Variants in NOBOX observed in about 807,000 individuals in gnomAD.
NOBOX encodes homeobox protein NOBOX.
Under a neutral mutation model 60.2 loss-of-function variants are expected in NOBOX, and 46 were observed. The ratio of observed to expected loss-of-function variants is 0.76; its 90% CI spans 0.60 to 0.98. The LOEUF (loss-of-function observed/expected upper bound fraction) is 0.98, where lower values mean the gene tolerates loss of function less well. Ranked by LOEUF, NOBOX falls within the 50% of genes least tolerant of loss-of-function variation. The probability of loss-of-function intolerance (pLI) is 0.00; values close to 1 mark genes in which losing one functional copy is unlikely to be tolerated. For missense variants in NOBOX, 880 were observed against 865.5 expected, an observed-to-expected ratio of 1.02 and a Z score of -0.21; for synonymous variants, 360 against 346.3, an observed-to-expected ratio of 1.04 and a Z score of -0.44.
chr7:144,401,470 C>G lies in NOBOX; in HGVS notation c.420G>C (p.Glu140Asp). 6.3e-7 allele frequency: 1 copy of G among 1,579,170 alleles called. No homozygotes were observed. The highest frequency in any genetic ancestry group is 8.6e-7 in the Non-Finnish European group (1 of 1,163,934). ...CTCCAGAGACTGCTGGCGGCTTCTT[C>G]TCTCCTGAGATGGTGCAGGAGGGTG... The change falls in exon 4 of 10, where the codon GAG becomes GAC. Residue 140 changes from glutamate to aspartate, a missense_variant. Transcript: ENST00000467773. This position sits in a 1 kb window ranked among gnomAD's most constrained non-coding sequence, Gnocchi z 4.2.
chr7:144,407,551 G>A (rs979931644), intron 1 of NOBOX, among the ~76,000 whole-genome samples: 3 of 152,212 alleles, frequency 2.0e-5, no homozygotes, highest in African/African-American at 7.2e-5. Flanking sequence ...CTCAGGGACC[G>A]GCACTGCCAG....
chr7:144,404,512 C>G (rs1554446169), intron 2 of NOBOX: 2 of 1,564,292 alleles, frequency 1.3e-6, no homozygotes, highest in South Asian at 2.3e-5. Flanking sequence ...GCTTCCCAAA[C>G]TGCTGGAATT....
intron 1 of NOBOX, among the ~76,000 whole-genome samples, chr7:144,405,998 ACTGAGGTGT>A (rs1482069152): frequency 1.3e-5 from 2 of 152,122 alleles, no homozygotes; most frequent in African/African-American, 4.8e-5. Context: ...TTTGCCCTTT[ACTGAGGTGT>A]CTGCTGCAGT....
At position 144,401,514 on chromosome 7, in the gene NOBOX, T is replaced by A; in HGVS notation, c.376A>T (p.Thr126Ser). ...GAGGGTGGCAGTTCCTCACTCTGAG[T>A]GTCCTGAGCATGAGGGGCTGAGCCC... Residue 126 changes from threonine (T) to serine (S), a missense_variant, in exon 4 of 10, where the codon ACT becomes TCT. Thr to Ser is a moderately conservative substitution (Grantham distance 58). Coordinates refer to ENST00000467773, the MANE Select transcript of NOBOX (RefSeq NM_001080413.3). The surrounding 1 kb of genome is among the most constrained non-coding windows in gnomAD (Gnocchi z 4.2). The A allele has an allele frequency of 6.6e-7, 1 of 1,525,422 alleles. No homozygotes were observed. The highest frequency in any genetic ancestry group is 8.8e-7 in the Non-Finnish European group (1 of 1,140,820). 94.5% of individuals were successfully genotyped at this position (1,525,422 alleles called of 1,614,324 possible).
chr7:144,403,001 C>T (rs2053953939), intron 2 of NOBOX, among the ~76,000 whole-genome samples: 2 of 152,138 alleles, frequency 1.3e-5, no homozygotes, highest in South Asian at 4.1e-4. Context: ...AGGTGGTCCA[C>T]CAGCCTCGCC....
chr7:144,401,815 T>C lies in NOBOX; in HGVS notation c.292+54A>G. On this transcript the variant is annotated intron_variant, in intron 3 of 9. Coordinates refer to ENST00000467773, the MANE Select transcript of NOBOX (RefSeq NM_001080413.3). The surrounding 1 kb of genome is among the most constrained non-coding windows in gnomAD (Gnocchi z 4.2). Reference sequence around the variant, plus strand: ...TCTTTGAAAAATGTAGACAAATTTATGCAATTCTGAGACGGCGTTAGCTCA... The same window carrying C: ...TCTTTGAAAAATGTAGACAAATTTACGCAATTCTGAGACGGCGTTAGCTCA... The C allele has an allele frequency of 3.1e-6, 4 of 1,291,046 alleles. No homozygotes were observed. The highest frequency in any genetic ancestry group is 1.9e-4 in the Middle Eastern group (1 of 5,400). 80.0% of individuals were successfully genotyped at this position (1,291,046 alleles called of 1,614,324 possible).
chr7:144,409,020 G>C (rs946150706), intron 1 of NOBOX, among the ~76,000 whole-genome samples: 11 of 152,170 alleles, frequency 7.2e-5, no homozygotes, highest in Non-Finnish European at 1.2e-4. Context: ...AACGGGGAAA[G>C]TGTATATGGA....
In NOBOX at chr7:144,401,537, C is replaced by T; in HGVS notation, c.353G>A (p.Gly118Asp). 1.3e-6 allele frequency: 2 copies of T among 1,516,068 alleles called. No homozygotes were observed. The highest frequency in any genetic ancestry group is 4.5e-5 in the East Asian group (2 of 44,146). 93.9% of individuals were successfully genotyped at this position (1,516,068 alleles called of 1,614,324 possible). ...AGTGTCCTGAGCATGAGGGGCTGAG[C>T]CCCGGAGCAGTTCCTCCTCCCCGGG... is the stretch of plus-strand genomic sequence containing the variant. Residue 118 changes from glycine to aspartate, a missense_variant, in exon 4 of 10, where the codon GGC (glycine) becomes GAC (aspartate). Gly to Asp is a moderately conservative substitution (Grantham distance 94). Coordinates refer to ENST00000467773, the MANE Select transcript of NOBOX (RefSeq NM_001080413.3). The surrounding 1 kb of genome is among the most constrained non-coding windows in gnomAD (Gnocchi z 4.2).
intron 2 of NOBOX, chr7:144,402,005 C>G (rs548241554): frequency 1.5e-6 from 2 of 1,342,856 alleles, no homozygotes; most frequent in African/African-American, 1.4e-5. Context: ...TTCTGCTTCT[C>G]CCAAGGCGGG....
intron 2 of NOBOX, among the ~76,000 whole-genome samples, chr7:144,404,279 T>C (rs1460648121): frequency 6.6e-6 from 1 of 152,182 alleles, no homozygotes; most frequent in Non-Finnish European, 1.5e-5. Flanking sequence ...GACGGAGTCT[T>C]GCTCTGTCGC....
chr7:144,397,275 C>A lies in NOBOX; in HGVS notation c.2041G>T (p.Ala681Ser). The A allele has an allele frequency of 6.5e-7, 1 of 1,536,860 alleles. No homozygotes were observed. The highest frequency in any genetic ancestry group is 8.7e-7 in the Non-Finnish European group (1 of 1,146,588). ...TGGCTATTCTTGTCATCCCCTCTGG[C>A]CTCCTCCAGTGCTGAGGGCTGATCC... Residue 681 changes from alanine to serine, a missense_variant, in exon 10 of 10, where the codon GCC becomes TCC. Ala to Ser is a moderately conservative substitution (Grantham distance 99). Transcript: ENST00000467773.
intron 1 of NOBOX, among the ~76,000 whole-genome samples, chr7:144,408,645 C>T (rs1200531673): frequency 6.6e-6 from 1 of 152,224 alleles, no homozygotes; most frequent in African/African-American, 2.4e-5. Flanking sequence ...CCCAGTTAGT[C>T]TGGTTCCTGC....
At chr7:144,399,519 G>A (rs145441966) in intron 6 of NOBOX, 37 bp from the exon 5 acceptor site, 87 of 1,512,918 alleles carry the variant, frequency 5.8e-5, no homozygotes, top group Middle Eastern at 1.7e-4. Context: ...AGCTTTGGTG[G>A]TCTCTGGATT....
At chr7:144,400,877 T>C (rs1225427044) in intron 4 of NOBOX, among the ~76,000 whole-genome samples, 169 bp downstream of exon 2, 1 of 152,190 alleles carries the variant, frequency 6.6e-6, no homozygotes, top group East Asian at 1.9e-4. Context: ...ACCTTCCCTC[T>C]GAGGGTCAGA....
chr7:144,401,746 T>C lies in NOBOX; in HGVS notation c.292+123A>G, dbSNP rs1300743220. 3.9e-6 allele frequency: 4 copies of C among 1,032,416 alleles called. No homozygotes were observed. The South Asian group carries it at 5.0e-5, about 13-fold the overall frequency. The allele number at this position is 1,032,416 out of a possible 1,614,324, so 64.0% of individuals were successfully genotyped here. Reference sequence around the variant, plus strand: ...ATGGGGTAATAATTCCACACTTACCTTCCTAGCTTGACTATTGTGAGGATT... The same window carrying C: ...ATGGGGTAATAATTCCACACTTACCCTCCTAGCTTGACTATTGTGAGGATT... On this transcript the variant is annotated intron_variant, in intron 3 of 9. Transcript: ENST00000467773. This position sits in a 1 kb window ranked among gnomAD's most constrained non-coding sequence, Gnocchi z 4.2.
chr7:144,402,021 G>T, intron 2 of NOBOX: 1 of 1,132,298 alleles, frequency 8.8e-7, no homozygotes, highest in Non-Finnish European at 1.3e-6. Context: ...GCGGGATGCT[G>T]TTTCTGCTGC....
intron 1 of NOBOX, among the ~76,000 whole-genome samples, chr7:144,407,075 T>A (rs1181302190): frequency 6.6e-6 from 1 of 151,740 alleles, no homozygotes; most frequent in African/African-American, 2.4e-5. Context: ...TTAGAAAGAG[T>A]CATTTCTTCC....
chr7:144,398,189 C>T, intron 9 of NOBOX, 93 bp downstream of exon 7: 2 of 1,136,056 alleles, frequency 1.8e-6, no homozygotes, highest in Non-Finnish European at 2.6e-6. Flanking sequence ...CCACCCATGA[C>T]CTGCCTCAGT....
At position 144,401,556 on chromosome 7, in the gene NOBOX, C is replaced by T. The variant is rs767341487; in HGVS notation, c.334G>A (p.Glu112Lys). 26 of 1,511,772 alleles carry T rather than the reference C, an allele frequency of 1.7e-5. No individual in the cohort carries two copies. The highest frequency in any genetic ancestry group is 6.9e-5 in the South Asian group (5 of 72,594). The allele number at this position is 1,511,772 out of a possible 1,614,324, so 93.6% of individuals were successfully genotyped here. A position where few individuals can be genotyped will look rare whatever the true frequency, so the allele number is the denominator to read the frequency against. ...GCTGAGCCCCGGAGCAGTTCCTCCT[C>T]CCCGGGTCCTGCAGCCAGGGGCTTC... The change falls in exon 4 of 10, where the codon GAG becomes AAG. Residue 112 changes from glutamate to lysine, a missense_variant. Physicochemically the swap from Glu to Lys is moderately conservative, Grantham distance 56 (BLOSUM62 1). Transcript: ENST00000467773. This position sits in a 1 kb window ranked among gnomAD's most constrained non-coding sequence, Gnocchi z 4.2.
Sources: gnomAD v4.1 joint callset for allele counts (sites outside exome capture counted in the v4.1 genomes callset) on GRCh38, gnomAD v4.1.1 for gene constraint, Gnocchi (gnomAD v3.1) non-coding constraint, MANE v1.5 for transcripts, NCBI Gene and HGNC (gene_info 2026-07-23, HGNC 2026-07-21) for gene names.